LPP: variants seen among roughly 807,000 people sequenced by gnomAD.
LPP encodes the protein lipoma-preferred partner.
A neutral mutation model predicts 60.4 loss-of-function variants in LPP; 38 were observed. The observed-to-expected ratio is 0.63, with a 90% CI of 0.49 to 0.83. The LOEUF (loss-of-function observed/expected upper bound fraction) is 0.83, where lower values mean the gene tolerates loss of function less well. LPP is among the 40% of genes least tolerant of loss of function. The probability of loss-of-function intolerance (pLI) is 0.00; values close to 1 mark genes in which losing one functional copy is unlikely to be tolerated. For missense variants in LPP, 902 were observed against 783.6 expected, an observed-to-expected ratio of 1.15 and a Z score of -1.80; for synonymous variants, 328 against 290.8, an observed-to-expected ratio of 1.13 and a Z score of -1.30.
At position 188,481,168 on chromosome 3, in the gene LPP, T is replaced by C. The variant is rs116248185; in HGVS notation, c.194-3424T>C. On this transcript the variant is annotated intron_variant, in intron 4 of 11. Transcript: ENST00000617246. ...TAGGATAGTTATTAGCAGTTTTTCA[T>C]TGAAACTCTCCCGGTTAGTTTATGC... is the stretch of plus-strand genomic sequence containing the variant. Among the ~76,000 whole-genome samples, 461 of 152,324 alleles carry C rather than the reference T, an allele frequency of 3.0e-3. 3 individuals are homozygous for C. Among genetic ancestry groups the C allele is most frequent in the African/African-American group, 0.011 (442 of 41,568 alleles).
chr3:188,551,243 C>T lies in LPP; in HGVS notation c.429+26456C>T, dbSNP rs144909051. Among the ~76,000 whole-genome samples, 13 of 152,068 alleles carry T rather than the reference C, an allele frequency of 8.5e-5. No homozygotes were observed. The South Asian group carries it at 1.9e-3, about 22-fold the overall frequency. Reference sequence around the variant, plus strand: ...TGGCAGTGGTGAGAGAAAATGAGGACGATGCAAAAGCAGAAACCCCTGATA... The same window carrying T: ...TGGCAGTGGTGAGAGAAAATGAGGATGATGCAAAAGCAGAAACCCCTGATA... On this transcript the variant is annotated intron_variant, in intron 6 of 11. Coordinates refer to ENST00000617246, the MANE Select transcript of LPP (RefSeq NM_001375462.1).
At chr3:188,405,440 C>T (rs992072510) in intron 3 of LPP, among the ~76,000 whole-genome samples, 6 of 152,128 alleles carry the variant, frequency 3.9e-5, no homozygotes, top group African/African-American at 9.7e-5. Context: ...TTCTGTTATT[C>T]GCCCTCCAAG....
At chr3:188,736,540 C>T (rs2150114384) in intron 8 of LPP, among the ~76,000 whole-genome samples, 1 of 152,140 alleles carries the variant, frequency 6.6e-6, no homozygotes, top group Admixed American at 6.5e-5. Flanking sequence ...CTGTCATTTG[C>T]TGCTGGTAAG....
intron 3 of LPP, among the ~76,000 whole-genome samples, chr3:188,402,116 T>G (rs910124042): frequency 3.3e-5 from 5 of 152,270 alleles, no homozygotes; most frequent in African/African-American, 1.2e-4. Context: ...AGAAGATGTA[T>G]TTAGATGACT....
chr3:188,191,027 C>G (rs991086346), intron 1 of LPP, among the ~76,000 whole-genome samples: 2 of 152,146 alleles, frequency 1.3e-5, no homozygotes, highest in East Asian at 3.9e-4. Flanking sequence ...GTCAGAGATT[C>G]GAGACCAGCC....
intron 5 of LPP, among the ~76,000 whole-genome samples, chr3:188,503,771 T>G (rs918965373): frequency 1.3e-5 from 2 of 152,182 alleles, no homozygotes; most frequent in African/African-American, 4.8e-5. Flanking sequence ...CCCTCTGTTT[T>G]CTGGCATCTA....
At chr3:188,781,746 G>A (rs1314090003) in intron 9 of LPP, among the ~76,000 whole-genome samples, 1 of 151,494 alleles carries the variant, frequency 6.6e-6, no homozygotes, top group Non-Finnish European at 1.5e-5. Flanking sequence ...AAAAAAATTA[G>A]CCGGACATGG....
chr3:188,596,537 A>G (rs1840012879), intron 6 of LPP, among the ~76,000 whole-genome samples: 2 of 152,178 alleles, frequency 1.3e-5, no homozygotes, highest in Non-Finnish European at 1.5e-5. Context: ...CTCCTATACA[A>G]TCTACAGTGT....
At chr3:188,155,794 G>T (rs1361077379) in intron 1 of LPP, among the ~76,000 whole-genome samples, 2 of 152,074 alleles carry the variant, frequency 1.3e-5, no homozygotes, top group Non-Finnish European at 2.9e-5. Context: ...CGGGCGGATT[G>T]CCTGAGCTCA....
chr3:188,557,843 C>T (rs141548492), intron 6 of LPP, among the ~76,000 whole-genome samples: 2 of 152,132 alleles, frequency 1.3e-5, no homozygotes, highest in African/African-American at 4.8e-5. Context: ...AACAAGACAT[C>T]AGAAGACACA....
At chr3:188,721,667 G>T (rs1716457727) in intron 8 of LPP, among the ~76,000 whole-genome samples, 1 of 152,210 alleles carries the variant, frequency 6.6e-6, no homozygotes. Flanking sequence ...GGATACCATG[G>T]TGAAAGAAAT....
chr3:188,184,380 T>C (rs1331042404), intron 1 of LPP, among the ~76,000 whole-genome samples: 1 of 152,202 alleles, frequency 6.6e-6, no homozygotes, highest in Non-Finnish European at 1.5e-5. Flanking sequence ...GAGAGCATGC[T>C]GTCACTGAAA....
chr3:188,834,322 G>GTTT, intron 9 of LPP, among the ~76,000 whole-genome samples: 1 of 97,906 alleles, frequency 1.0e-5, no homozygotes, highest in Admixed American at 1.2e-4. Flanking sequence ...TTCTTTTTGG[G>GTTT]TGTTTTTTTT....
At chr3:188,778,395 C>A (rs186548538) in intron 9 of LPP, among the ~76,000 whole-genome samples, 5 of 152,114 alleles carry the variant, frequency 3.3e-5, no homozygotes, top group Non-Finnish European at 7.4e-5. Context: ...ACTAATTTTA[C>A]TTCTCAAAGA....
At chr3:188,744,998 T>C (rs1481211079) in intron 8 of LPP, among the ~76,000 whole-genome samples, 1 of 152,124 alleles carries the variant, frequency 6.6e-6, no homozygotes, top group East Asian at 1.9e-4. Context: ...CTTCCTGCTT[T>C]TTAGGGAGAA....
chr3:188,166,075 GTGAC>G (rs1719849553), intron 1 of LPP, among the ~76,000 whole-genome samples: 1 of 152,130 alleles, frequency 6.6e-6, no homozygotes, highest in South Asian at 2.1e-4. Context: ...TATTCAAGCA[GTGAC>G]TGACTGAACT....
intron 9 of LPP, among the ~76,000 whole-genome samples, chr3:188,858,341 C>G (rs1764323902): frequency 6.6e-6 from 1 of 152,134 alleles, no homozygotes; most frequent in African/African-American, 2.4e-5. Context: ...GGCCCCTTCC[C>G]CCTGCCCCAC....
intron 3 of LPP, among the ~76,000 whole-genome samples, chr3:188,351,844 G>T (rs762806328): frequency 3.9e-5 from 6 of 152,122 alleles, no homozygotes; most frequent in Non-Finnish European, 7.4e-5. Flanking sequence ...CAAAATTGGC[G>T]TTGGGGGACT....
At chr3:188,425,331 G>T (rs879051637) in intron 4 of LPP, among the ~76,000 whole-genome samples, 1 of 152,128 alleles carries the variant, frequency 6.6e-6, no homozygotes, top group African/African-American at 2.4e-5. Flanking sequence ...TTGATGTGCT[G>T]CAGGATTCGG....
Sources: allele counts gnomAD v4.1 joint callset (sites outside exome capture counted in the v4.1 genomes callset), GRCh38; gene constraint gnomAD v4.1.1; transcripts MANE v1.5; gene names NCBI Gene and HGNC (gene_info 2026-07-23, HGNC 2026-07-21).